The following LRRK2 variants were observed in gnomAD, a reference collection of about 807,000 sequenced individuals.
LRRK2 encodes the protein leucine-rich repeat serine/threonine-protein kinase 2.
Under a neutral mutation model 302.6 loss-of-function variants are expected in LRRK2, and 203 were observed. That is an observed-to-expected ratio of 0.67 (90% CI 0.60 to 0.75). The LOEUF is 0.75. Among genes scored for constraint, LRRK2 ranks in the 30% least tolerant of loss-of-function variants. The pLI, the probability that LRRK2 is intolerant of heterozygous loss-of-function variation, is 0.00. For synonymous variants in LRRK2, 1,066 were observed against 1,031.9 expected (o/e 1.03, Z -0.63); for missense variants, 2,830 against 2,951.0 (o/e 0.96, Z 0.95).
chr12:40,338,035 C>T (rs1592308704), intron 40 of LRRK2, among the ~76,000 whole-genome samples: 2 of 152,200 alleles, frequency 1.3e-5, no homozygotes, highest in Non-Finnish European at 1.5e-5. Flanking sequence ...TGCAGACACT[C>T]TGTGCAAGAC....
intron 7 of LRRK2, among the ~76,000 whole-genome samples, chr12:40,246,364 T>A (rs1941983435): frequency 6.6e-6 from 1 of 152,078 alleles, no homozygotes. Flanking sequence ...TTTATTAGAT[T>A]TTTAAAAACA....
intron 21 of LRRK2, among the ~76,000 whole-genome samples, chr12:40,293,893 G>GTATATATATATATATATATATA (rs1565720912): frequency 7.8e-6 from 1 of 127,592 alleles, no homozygotes; most frequent in Admixed American, 9.0e-5. Context: ...ATTTTTTGGG[G>GTATATATATATATATATATATA]CACATATATA....
intron 43 of LRRK2, among the ~76,000 whole-genome samples, chr12:40,349,007 C>G (rs1946276858): frequency 6.6e-6 from 1 of 152,006 alleles, no homozygotes; most frequent in South Asian, 2.1e-4. Flanking sequence ...GCCCATCTTT[C>G]TTTTAGAGCT....
intron 4 of LRRK2, 77 bp downstream of exon 4, chr12:40,235,791 G>GTTTT: frequency 4.3e-6 from 2 of 462,990 alleles, no homozygotes; most frequent in East Asian, 4.0e-5. Flanking sequence ...GTGTGTGTGT[G>GTTTT]TGTTTTTTTT....
chr12:40,298,796 T>TATATATATATATATATATAA (rs1485268496), intron 24 of LRRK2, among the ~76,000 whole-genome samples: 7 of 117,378 alleles, frequency 6.0e-5, no homozygotes, highest in Non-Finnish European at 1.1e-4. Flanking sequence ...TATATATATA[T>TATATATATATATATATATAA]ATAATATATG....
intron 2 of LRRK2, among the ~76,000 whole-genome samples, chr12:40,231,807 A>AAT (rs993753166): frequency 7.8e-4 from 115 of 146,852 alleles, no homozygotes; most frequent in African/African-American, 2.5e-3. Flanking sequence ...ATATATATAT[A>AAT]ATATATATAT....
Position 40,307,139 on chromosome 12 carries a change from T to C in LRRK2, c.3959+1173T>C, listed in dbSNP as rs149211347. On this transcript the variant is annotated intron_variant, in intron 28 of 50. Coordinates refer to ENST00000298910, the MANE Select transcript of LRRK2 (RefSeq NM_198578.4). ...AGAAAGACCTAGAGCAGATTAGAAA[T>C]TGTAGGCATCATTTGCTTTTTGAAG... is the stretch of plus-strand genomic sequence containing the variant. 2.6e-3 allele frequency among the ~76,000 whole-genome samples: 399 copies of C among 151,960 alleles called. 1 individual carries two copies. Among genetic ancestry groups the C allele is most frequent in the African/African-American group, 9.3e-3 (385 of 41,534 alleles).
intron 49 of LRRK2, chr12:40,366,030 G>C (rs1946869894): frequency 6.6e-6 from 1 of 151,828 alleles, no homozygotes; most frequent in African/African-American, 2.4e-5. Flanking sequence ...TATAACTGAA[G>C]TTATAGTGGA....
intron 4 of LRRK2, among the ~76,000 whole-genome samples, chr12:40,236,862 T>G (rs980815569): frequency 9.9e-5 from 15 of 152,146 alleles, no homozygotes; most frequent in African/African-American, 3.4e-4. Context: ...GAGGTATTTT[T>G]TTTTTGACGG....
At chr12:40,228,814 C>G (rs774818125) in intron 2 of LRRK2, among the ~76,000 whole-genome samples, 9 of 152,106 alleles carry the variant, frequency 5.9e-5, no homozygotes, top group Non-Finnish European at 1.2e-4. Flanking sequence ...TTCTTTTGCA[C>G]AGCCAATATT....
chr12:40,230,852 G>A (rs1039364468), intron 2 of LRRK2, among the ~76,000 whole-genome samples: 2 of 151,852 alleles, frequency 1.3e-5, no homozygotes, highest in African/African-American at 2.4e-5. Flanking sequence ...AGTCAAGTTG[G>A]CATCTTGTAA....
intron 18 of LRRK2, 89 bp from the exon 19 acceptor site, chr12:40,283,786 A>C: frequency 8.7e-7 from 1 of 1,148,014 alleles, no homozygotes; most frequent in Non-Finnish European, 1.2e-6. Flanking sequence ...GGAGATGTAG[A>C]GAAAAATCAC....
At position 40,364,862 on chromosome 12, in the gene LRRK2, A is replaced by G; in HGVS notation, c.7202A>G (p.Asn2401Ser). The G allele has an allele frequency of 1.2e-6, 2 of 1,611,932 alleles. No individual in the cohort carries two copies. Among genetic ancestry groups the G allele is most frequent in the Non-Finnish European group, 1.7e-6 (2 of 1,178,662 alleles). ...HFLREVMVKE[N>S]KESKHKMSYS... Reference sequence around the variant, plus strand: ...TCTAGGGAGGTAATGGTAAAAGAAAACAAGGAATCAAAACACAAAATGTCT... The same window carrying G: ...TCTAGGGAGGTAATGGTAAAAGAAAGCAAGGAATCAAAACACAAAATGTCT... Residue 2401 changes from asparagine to serine, a missense_variant, in exon 49 of 51, where the codon AAC becomes AGC. Around this residue, in one of 3 missense-constraint regions of LRRK2, gnomAD observed 456 missense variants for 456.3 expected, o/e 1.00. Coordinates refer to ENST00000298910, the MANE Select transcript of LRRK2 (RefSeq NM_198578.4).
Position 40,293,588 on chromosome 12 carries a change from T to A in LRRK2, c.2733T>A (p.Ile911=). ...TTGTGAAAAAGAAATCTAATTCAAT[T>A]AGTGTAGGAGAATTTTACCGAGATG... ...SFLVKKKSNS[I]SVGEFYRDAV... Residue 911 remains isoleucine (I), a synonymous_variant, in exon 21 of 51, where the codon ATT becomes ATA. Coordinates refer to ENST00000298910, the MANE Select transcript of LRRK2 (RefSeq NM_198578.4). 1 of 1,611,428 alleles carries A rather than the reference T, an allele frequency of 6.2e-7. No homozygotes were observed.
At chr12:40,357,714 A>G (rs905180813) in intron 46 of LRRK2, among the ~76,000 whole-genome samples, 3 of 151,942 alleles carry the variant, frequency 2.0e-5, no homozygotes, top group Admixed American at 2.0e-4. Context: ...ATTTTTTTTC[A>G]TATATCCATT....
chr12:40,274,563 G>A lies in LRRK2; in HGVS notation c.1657-20G>A, dbSNP rs761149962. On this transcript the variant is annotated intron_variant, in intron 14 of 50. Coordinates refer to ENST00000298910, the MANE Select transcript of LRRK2 (RefSeq NM_198578.4). ...GTATTAAGATCTCATTTTTAACAGC[G>A]AGTATTCTTTTGATTTTAGTTCATT... 47 of 1,612,566 alleles carry A rather than the reference G, an allele frequency of 2.9e-5. No individual in the cohort carries two copies. The East Asian group carries it at 4.5e-4, about 15-fold the overall frequency.
intron 16 of LRRK2, among the ~76,000 whole-genome samples, chr12:40,275,794 A>G (rs1410142694): frequency 2.0e-5 from 3 of 151,956 alleles, no homozygotes; most frequent in Admixed American, 1.3e-4. Flanking sequence ...TATTTTTTGT[A>G]GAGATGAGGT....
chr12:40,354,831 T>TG (rs1946475730), intron 45 of LRRK2, among the ~76,000 whole-genome samples: 1 of 37,802 alleles, frequency 2.6e-5, no homozygotes, highest in Non-Finnish European at 6.4e-5. Flanking sequence ...ATTCATTCTT[T>TG]GAAAAAAAAA....
intron 14 of LRRK2, among the ~76,000 whole-genome samples, chr12:40,272,985 C>T (rs948109270): frequency 1.3e-5 from 2 of 151,474 alleles, no homozygotes; most frequent in Non-Finnish European, 2.9e-5. Flanking sequence ...CTGAGGACAG[C>T]GCTTAGCCCA....
Sources: allele counts gnomAD v4.1 joint callset (sites outside exome capture counted in the v4.1 genomes callset), GRCh38; gene constraint gnomAD v4.1.1; regional missense constraint gnomAD v4.1.1; transcripts MANE v1.5; gene names NCBI Gene and HGNC (gene_info 2026-07-23, HGNC 2026-07-21).